The following RAVER2 variants were observed in gnomAD, a reference collection of about 807,000 sequenced individuals.
The protein encoded by RAVER2 is ribonucleoprotein PTB-binding 2.
A neutral mutation model predicts 78.1 loss-of-function variants in RAVER2; 46 were observed. The ratio of observed to expected loss-of-function variants is 0.59; its 90% CI spans 0.46 to 0.75. The LOEUF is 0.75. Ranked by LOEUF, RAVER2 falls within the 30% of genes least tolerant of loss-of-function variation. RAVER2 has a pLI of 0.00. For synonymous variants in RAVER2, 311 were observed against 313.3 expected (o/e 0.99, Z 0.08); for missense variants, 793 against 837.5 (o/e 0.95, Z 0.66).
intron 11 of RAVER2, among the ~76,000 whole-genome samples, chr1:64,819,004 G>T (rs964028756): frequency 2.0e-5 from 3 of 152,168 alleles, no homozygotes; most frequent in African/African-American, 7.2e-5. Context: ...TTTGAGTTCA[G>T]CAAAGTTAAC....
At chr1:64,832,591 A>C (rs1472050194) in exon 12 of RAVER2, 8 of 152,148 alleles carry the variant, frequency 5.3e-5, no homozygotes, top group Non-Finnish European at 1.2e-4. Context: ...TATGATGTGG[A>C]TATCCTGTTT....
intron 4 of RAVER2, among the ~76,000 whole-genome samples, chr1:64,787,838 A>C (rs1427192970): frequency 6.6e-6 from 1 of 152,092 alleles, no homozygotes; most frequent in African/African-American, 2.4e-5. Flanking sequence ...ATGCACTCTC[A>C]TGCTCTCTGC....
intron 11 of RAVER2, among the ~76,000 whole-genome samples, chr1:64,829,367 G>A (rs186047282): frequency 2.2e-3 from 340 of 152,284 alleles, no homozygotes; most frequent in Non-Finnish European, 3.8e-3. Flanking sequence ...CTTCTAAGAG[G>A]AGGAAAGCTG....
intron 5 of RAVER2, among the ~76,000 whole-genome samples, chr1:64,801,383 G>A (rs959993432): frequency 4.0e-5 from 6 of 151,734 alleles, no homozygotes; most frequent in Admixed American, 1.3e-4. Context: ...ACAGGCGTGA[G>A]CCACTGCACC....
intron 5 of RAVER2, among the ~76,000 whole-genome samples, chr1:64,789,784 G>T (rs994489807): frequency 6.6e-6 from 1 of 151,952 alleles, no homozygotes; most frequent in Non-Finnish European, 1.5e-5. Context: ...GCTCTTAGTT[G>T]ACATGAATTT....
chr1:64,759,543 G>T lies in RAVER2; in HGVS notation c.250-9113G>T, dbSNP rs529127483. 6.3e-5 allele frequency among the ~76,000 whole-genome samples: 9 copies of T among 143,424 alleles called. No homozygotes were observed. In the South Asian group the frequency reaches 2.0e-3, roughly 32 times the overall value. 94.1% of individuals were successfully genotyped at this position (143,424 alleles called of 152,430 possible). A position where few individuals can be genotyped will look rare whatever the true frequency, so the allele number is the denominator to read the frequency against. ...CTATTTATTATTTTTTTGAGACGGA[G>T]CTTCGCTCTAACGCCCAGGCTGGAG... is the stretch of plus-strand genomic sequence containing the variant. On this transcript the variant is annotated intron_variant, in intron 1 of 11. Transcript: ENST00000294428.
intron 11 of RAVER2, among the ~76,000 whole-genome samples, chr1:64,826,563 T>A (rs1406547757): frequency 6.6e-6 from 1 of 152,046 alleles, no homozygotes; most frequent in Non-Finnish European, 1.5e-5. Flanking sequence ...GATGTCACAG[T>A]GGGGTCGGGG....
chr1:64,802,588 G>A (rs1653299352), intron 5 of RAVER2, among the ~76,000 whole-genome samples: 1 of 152,092 alleles, frequency 6.6e-6, no homozygotes. Flanking sequence ...TCAAGGACAA[G>A]GATTGTATCT....
intron 1 of RAVER2, among the ~76,000 whole-genome samples, chr1:64,764,937 A>G (rs969369253): frequency 1.3e-5 from 2 of 152,254 alleles, no homozygotes; most frequent in African/African-American, 4.8e-5. Context: ...ATACCTTCAT[A>G]GCAACACCTA....
chr1:64,796,252 C>T (rs1653093609), intron 5 of RAVER2, among the ~76,000 whole-genome samples: 1 of 151,688 alleles, frequency 6.6e-6, no homozygotes, highest in Non-Finnish European at 1.5e-5. Context: ...GTTTTCTTCC[C>T]TTGTAATATA....
intron 9 of RAVER2, 111 bp downstream of exon 9, chr1:64,807,585 GTTTACA>G: frequency 2.7e-6 from 3 of 1,127,738 alleles, no homozygotes; most frequent in Middle Eastern, 2.9e-4. Context: ...CTTTTTCATA[GTTTACA>G]TTTACTTTTC....
chr1:64,781,569 G>A (rs536535454), exon 4 of RAVER2: 3 of 1,607,934 alleles, frequency 1.9e-6, no homozygotes, highest in South Asian at 2.2e-5. Flanking sequence ...GGCTCAACGT[G>A]TGGTAAGTTT....
At chr1:64,787,902 G>GGGGTTTC (rs1403872034) in intron 4 of RAVER2, among the ~76,000 whole-genome samples, 2 of 152,154 alleles carry the variant, frequency 1.3e-5, no homozygotes, top group African/African-American at 2.4e-5. Flanking sequence ...CAGGCTTTAT[G>GGGGTTTC]TCAGTTTCTT....
At chr1:64,807,356 A>G in exon 9 of RAVER2, 1 of 1,614,134 alleles carries the variant, frequency 6.2e-7, no homozygotes, top group Non-Finnish European at 8.5e-7. Context: ...GCAGAAGGAA[A>G]TTTCTCAGGG....
chr1:64,772,815 G>A (rs1652355961), intron 2 of RAVER2, among the ~76,000 whole-genome samples: 1 of 152,140 alleles, frequency 6.6e-6, no homozygotes, highest in Admixed American at 6.6e-5. Flanking sequence ...TGTTGGGGAA[G>A]GGAGGAAGTA....
chr1:64,745,350 C>G lies in RAVER2; in HGVS notation c.178C>G (p.Arg60Gly). 1 of 1,541,740 alleles carries G rather than the reference C, an allele frequency of 6.5e-7. No individual in the cohort carries two copies. The highest frequency in any genetic ancestry group is 8.7e-7 in the Non-Finnish European group (1 of 1,143,110). ...TGAGGAGGTCGCCGCGCGACTGCAG[C>G]GGATGCAGCGGGAGCTGAGCAACCG... The change falls in exon 1 of 12, where the codon CGG becomes GGG. Residue 60 changes from arginine (R) to glycine (G), a missense_variant. Physicochemically the swap from Arg to Gly is moderately radical, Grantham distance 125. Coordinates refer to ENST00000294428, the Ensembl canonical transcript of RAVER2. This position sits in a 1 kb window ranked among gnomAD's most constrained non-coding sequence, Gnocchi z 4.3.
exon 12 of RAVER2, chr1:64,832,833 C>T (rs994807421): frequency 6.6e-6 from 1 of 152,234 alleles, no homozygotes; most frequent in Non-Finnish European, 1.5e-5. Flanking sequence ...TCCCATTTTC[C>T]TGTTGCATTC....
At chr1:64,812,710 T>C in intron 9 of RAVER2, 28 bp from the exon 10 acceptor site, 1 of 1,468,012 alleles carries the variant, frequency 6.8e-7, no homozygotes, top group South Asian at 1.2e-5. Context: ...TCTCATTAAG[T>C]ACTCCCTCCT....
chr1:64,745,851 G>A lies in RAVER2; in HGVS notation c.249+430G>A, dbSNP rs1651517971. ...GCGAGGGCTCCAACGTATAGTCCCC[G>A]GTGCTCGGGAGTGCCATAGGGGGCA... On this transcript the variant is annotated intron_variant, in intron 1 of 11. Coordinates refer to ENST00000294428, the Ensembl canonical transcript of RAVER2. This position sits in a 1 kb window ranked among gnomAD's most constrained non-coding sequence, Gnocchi z 4.3. 6.6e-6 allele frequency among the ~76,000 whole-genome samples: 1 copy of A among 152,138 alleles called. No individual in the cohort carries two copies. Among genetic ancestry groups the A allele is most frequent in the African/African-American group, 2.4e-5 (1 of 41,426 alleles).
Sources: gnomAD v4.1 joint callset for allele counts (sites outside exome capture counted in the v4.1 genomes callset) on GRCh38, gnomAD v4.1.1 for gene constraint, Gnocchi (gnomAD v3.1) non-coding constraint, MANE v1.5 for transcripts, NCBI Gene and HGNC (gene_info 2026-07-23, HGNC 2026-07-21) for gene names.